Variants in NUCB1 observed in about 807,000 individuals in gnomAD.
NUCB1 encodes nucleobindin-1.
In NUCB1, 47 loss-of-function variants were observed where a neutral mutation model predicts 61.2. The observed-to-expected ratio is 0.77, with a 90% CI of 0.61 to 0.98. The LOEUF (loss-of-function observed/expected upper bound fraction) is 0.98, where lower values mean the gene tolerates loss of function less well. Ranked by LOEUF, NUCB1 falls within the 50% of genes least tolerant of loss-of-function variation. The pLI is 0.00. For missense variants in NUCB1, 583 were observed against 605.3 expected (o/e 0.96, Z 0.39); for synonymous variants, 234 against 243.1 (o/e 0.96, Z 0.35).
intron 2 of NUCB1, chr19:48,901,142 G>GC: frequency 1.6e-6 from 1 of 624,412 alleles, no homozygotes; most frequent in East Asian, 2.8e-5. Context: ...TCTGCATCAC[G>GC]CCCCAACTAA....
At chr19:48,918,673 T>TA in intron 7 of NUCB1, 53 bp from the exon 8 acceptor site, 1 of 1,491,606 alleles carries the variant, frequency 6.7e-7, no homozygotes, top group East Asian at 2.3e-5. Context: ...CCAGGGACCT[T>TA]ACACATCCCG....
chr19:48,902,346 T>C (rs190239015), intron 2 of NUCB1, among the ~76,000 whole-genome samples: 1 of 152,054 alleles, frequency 6.6e-6, no homozygotes, highest in Non-Finnish European at 1.5e-5. Flanking sequence ...CTTGACCTCT[T>C]GATCTGCCTG....
intron 10 of NUCB1, among the ~76,000 whole-genome samples, chr19:48,919,808 G>A (rs1395083474): frequency 7.3e-5 from 10 of 136,996 alleles, no homozygotes; most frequent in South Asian, 2.3e-4. Flanking sequence ...TTGCTCTGTC[G>A]CGTAGGCTGG....
chr19:48,900,816 G>C lies in NUCB1; in HGVS notation c.20G>C (p.Arg7Pro). 2 of 1,613,904 alleles carry C rather than the reference G, an allele frequency of 1.2e-6. No homozygotes were observed. The highest frequency in any genetic ancestry group is 1.7e-6 in the Non-Finnish European group (2 of 1,180,012). Residue 7 changes from arginine (R) to proline (P), a missense_variant, in exon 2 of 13, where the codon CGA (arginine) becomes CCA (proline). Physicochemically the swap from Arg to Pro is moderately radical, Grantham distance 103. Transcript: ENST00000405315. Reference protein sequence around the residue: MPPSGPRGTLLLLPLLL... With the variant: MPPSGPPGTLLLLPLLL... ...ACTGCCATGCCTCCCTCTGGGCCCCGAGGAACCCTCCTTCTGTTGCCGCTG... is the reference window on the plus strand; with the variant it reads ...ACTGCCATGCCTCCCTCTGGGCCCCCAGGAACCCTCCTTCTGTTGCCGCTG...
rs45520632 is a variant in NUCB1, at chr19:48,923,231, T to C, written c.*807T>C. ...CTCCGCATCCTGCTGTGTGTCCTGT[T>C]CCATGTTCCGGTTCCATCCAAATAC... On this transcript the variant is annotated 3_prime_UTR_variant, in exon 13 of 13. Transcript: ENST00000405315. 4,828 of 152,520 alleles carry C rather than the reference T, an allele frequency of 0.032. 110 individuals are homozygous for C. The highest frequency in any genetic ancestry group is 0.05 in the Non-Finnish European group (3,385 of 68,178). 9.4% of individuals were successfully genotyped at this position (152,520 alleles called of 1,614,324 possible).
At position 48,919,028 on chromosome 19, in the gene NUCB1, A is replaced by G; in HGVS notation, c.817-2A>G. On this transcript the variant is annotated splice_acceptor_variant, in intron 8 of 12. Transcript: ENST00000405315. LOFTEE classifies it high-confidence loss of function. ...CTGTCTGCCTCTCGCTTGCTCCTGC[A>G]GCTGGAGAAAGTGTACGACCCAAAG... 6.2e-7 allele frequency: 1 copy of G among 1,613,624 alleles called. No individual in the cohort carries two copies. The highest frequency in any genetic ancestry group is 1.3e-5 in the African/African-American group (1 of 75,058).
chr19:48,900,622 GA>G, intron 1 of NUCB1, 163 bp from the exon 2 acceptor site: 1 of 904,986 alleles, frequency 1.1e-6, no homozygotes, highest in Non-Finnish European at 1.7e-6. Flanking sequence ...TGTGTCGGAG[GA>G]AGGGAAGGCC....
intron 7 of NUCB1, chr19:48,918,497 A>G (rs2037565494): frequency 1.8e-6 from 1 of 545,436 alleles, no homozygotes; most frequent in African/African-American, 1.9e-5. Context: ...GTTTCCTCGA[A>G]CCCTCCCTTT....
intron 4 of NUCB1, 21 bp downstream of exon 4, chr19:48,905,906 A>C: frequency 3.1e-6 from 1 of 320,678 alleles, no homozygotes; most frequent in Non-Finnish European, 5.9e-6. Context: ...GCAGGGCGGG[A>C]GGGACAGGCA....
At chr19:48,914,222 C>G (rs1229632751) in intron 7 of NUCB1, among the ~76,000 whole-genome samples, 1 of 151,926 alleles carries the variant, frequency 6.6e-6, no homozygotes, top group South Asian at 2.1e-4. Context: ...GTGATCTGCC[C>G]CCTCAGCATC....
chr19:48,902,839 G>A (rs868696194), intron 2 of NUCB1, among the ~76,000 whole-genome samples: 2 of 152,012 alleles, frequency 1.3e-5, no homozygotes, highest in Non-Finnish European at 2.9e-5. Flanking sequence ...ACGTCAAGGA[G>A]GCTGCTGTGG....
At chr19:48,916,161 T>C (rs1320294058) in intron 7 of NUCB1, among the ~76,000 whole-genome samples, 1 of 149,914 alleles carries the variant, frequency 6.7e-6, no homozygotes, top group African/African-American at 2.5e-5. Flanking sequence ...TAGAATCTTT[T>C]GGTATTTGTC....
intron 7 of NUCB1, among the ~76,000 whole-genome samples, chr19:48,917,400 T>G (rs916733531): frequency 1.3e-5 from 2 of 152,034 alleles, no homozygotes; most frequent in Non-Finnish European, 2.9e-5. Flanking sequence ...CATGGCTCAC[T>G]GCAACCCAGA....
intron 4 of NUCB1, among the ~76,000 whole-genome samples, chr19:48,908,674 TG>T (rs1434679847): frequency 6.8e-6 from 1 of 146,556 alleles, no homozygotes; most frequent in Non-Finnish European, 1.5e-5. Context: ...TGTGTGTGTG[TG>T]TGTGTGTGTG....
At chr19:48,901,539 G>T (rs555717909) in intron 2 of NUCB1, among the ~76,000 whole-genome samples, 1 of 152,254 alleles carries the variant, frequency 6.6e-6, no homozygotes, top group South Asian at 2.1e-4. Context: ...CGAGACAGGC[G>T]GATCACTTGA....
At chr19:48,907,068 G>A (rs2037420235) in intron 4 of NUCB1, among the ~76,000 whole-genome samples, 1 of 151,124 alleles carries the variant, frequency 6.6e-6, no homozygotes, top group Admixed American at 6.6e-5. Context: ...TCCGCCTCCT[G>A]GATTCACGCC....
chr19:48,910,666 C>T (rs976981435), intron 4 of NUCB1, among the ~76,000 whole-genome samples: 8 of 149,482 alleles, frequency 5.4e-5, no homozygotes, highest in African/African-American at 1.7e-4. Context: ...GAGTGAAACC[C>T]TGTCTCAAAA....
At chr19:48,910,672 C>CAA (rs57061784) in intron 4 of NUCB1, among the ~76,000 whole-genome samples, 2 of 106,526 alleles carry the variant, frequency 1.9e-5, no homozygotes, top group African/African-American at 6.9e-5. Context: ...AACCCTGTCT[C>CAA]AAAAAAAAAA....
Position 48,912,971 on chromosome 19 carries a change from C to T in NUCB1, c.481-40C>T, listed in dbSNP as rs142256781. 2,063 of 1,501,070 alleles carry T rather than the reference C, an allele frequency of 1.4e-3. 7 individuals are homozygous for T. Among genetic ancestry groups the T allele is most frequent in the Middle Eastern group, 3.1e-3 (15 of 4,762 alleles). 93.0% of individuals were successfully genotyped at this position (1,501,070 alleles called of 1,614,324 possible). On this transcript the variant is annotated intron_variant, in intron 5 of 12. Transcript: ENST00000405315. ...TTACAGGCTGGAATTGGGGGCTGGG[C>T]AGAGGGGGCAGAGGGGAATGACCCT...
Sources: allele counts gnomAD v4.1 joint callset (sites outside exome capture counted in the v4.1 genomes callset), GRCh38; gene constraint gnomAD v4.1.1; transcripts MANE v1.5; gene names NCBI Gene and HGNC (gene_info 2026-07-23, HGNC 2026-07-21).